The following SGCZ variants were observed in gnomAD, a reference collection of about 807,000 sequenced individuals.
The protein encoded by SGCZ is sarcoglycan zeta.
Under a neutral mutation model 41.3 loss-of-function variants are expected in SGCZ, and 40 were observed. The ratio of observed to expected loss-of-function variants is 0.97; its 90% CI spans 0.75 to 1.26. SGCZ has a LOEUF of 1.26. SGCZ is among the 50% of genes most tolerant of loss of function. SGCZ has a pLI of 0.00. For missense variants in SGCZ, 552 were observed against 369.8 expected (o/e 1.49, Z -4.04); for synonymous variants, 206 against 137.5 (o/e 1.50, Z -3.49).
intron 2 of SGCZ, among the ~76,000 whole-genome samples, chr8:14,375,078 A>T (rs1804063639): frequency 6.6e-6 from 1 of 151,994 alleles, no homozygotes; most frequent in Non-Finnish European, 1.5e-5. Context: ...GGGAATTGAG[A>T]GGCCAGAAAA....
At position 14,087,687 on chromosome 8, in the gene SGCZ, T is replaced by C. The variant is rs1801561513; in HGVS notation, c.*2756A>G. Among the ~76,000 whole-genome samples, 1 of 150,748 alleles carries C rather than the reference T, an allele frequency of 6.6e-6. No individual in the cohort carries two copies. The highest frequency in any genetic ancestry group is 2.0e-4 in the East Asian group (1 of 5,112). The stretch of plus-strand genomic sequence containing the variant: ...GGGAAAACATAATCTGTTAGGGTAC[T>C]GTGCAATTAAGGGACCACTATATTT... On this transcript the variant is annotated 3_prime_UTR_variant, in exon 8 of 8. Coordinates refer to ENST00000382080, the MANE Select transcript of SGCZ (RefSeq NM_139167.4).
chr8:14,285,589 A>T (rs200669777), intron 3 of SGCZ, among the ~76,000 whole-genome samples: 3 of 9,506 alleles, frequency 3.2e-4, no homozygotes, highest in African/African-American at 3.9e-4. Flanking sequence ...TGTGTTAAAA[A>T]TAAAACAAAT....
intron 1 of SGCZ, among the ~76,000 whole-genome samples, chr8:15,056,747 A>G (rs1241172863): frequency 6.6e-6 from 1 of 152,152 alleles, no homozygotes; most frequent in African/African-American, 2.4e-5. Flanking sequence ...CAATATTCAT[A>G]CAGCTCCACC....
intron 1 of SGCZ, among the ~76,000 whole-genome samples, chr8:15,166,978 T>C (rs994086712): frequency 3.3e-5 from 5 of 152,094 alleles, no homozygotes; most frequent in Non-Finnish European, 7.4e-5. Context: ...GAAGCGAATC[T>C]TTTTGACTTT....
chr8:14,237,223 T>A (rs1230437074), intron 4 of SGCZ, among the ~76,000 whole-genome samples: 3 of 152,056 alleles, frequency 2.0e-5, no homozygotes, highest in African/African-American at 7.2e-5. Flanking sequence ...TGTAATTCAA[T>A]CTCAAAATAA....
At chr8:14,448,712 G>C (rs1271222788) in intron 2 of SGCZ, among the ~76,000 whole-genome samples, 2 of 152,088 alleles carry the variant, frequency 1.3e-5, no homozygotes, top group Non-Finnish European at 2.9e-5. Flanking sequence ...GTTAGGTGCT[G>C]TTCCCAAGCC....
intron 3 of SGCZ, among the ~76,000 whole-genome samples, chr8:14,253,132 A>G (rs940327050): frequency 1.3e-5 from 2 of 152,122 alleles, no homozygotes; most frequent in African/African-American, 4.8e-5. Context: ...ATATGCTGTC[A>G]TTAAGAATAA....
chr8:14,511,305 C>G (rs1474566314), intron 2 of SGCZ, among the ~76,000 whole-genome samples: 3 of 151,918 alleles, frequency 2.0e-5, no homozygotes, highest in African/African-American at 7.3e-5. Flanking sequence ...TTTAAATCTT[C>G]TACTCTATGG....
At chr8:15,000,108 A>G (rs1386871063) in intron 1 of SGCZ, among the ~76,000 whole-genome samples, 1 of 152,142 alleles carries the variant, frequency 6.6e-6, no homozygotes, top group Non-Finnish European at 1.5e-5. Flanking sequence ...ACACCCAAAG[A>G]GGCACCAGGG....
chr8:14,731,597 A>G (rs1810241798), intron 1 of SGCZ, among the ~76,000 whole-genome samples: 1 of 152,172 alleles, frequency 6.6e-6, no homozygotes, highest in African/African-American at 2.4e-5. Flanking sequence ...TAGAAATGTA[A>G]TTTCAGTAAT....
chr8:14,164,642 C>T lies in SGCZ; in HGVS notation c.485G>A (p.Arg162Lys). The part of the protein sequence containing the change: ...RFEVRASEDG[R>K]VLFSADEDEI... ...ATCTTCATCTGCAGAAAACAGCACCCTGCCATCTTCACTGGCTCTCACTTC... is the reference window on the plus strand; with the variant it reads ...ATCTTCATCTGCAGAAAACAGCACCTTGCCATCTTCACTGGCTCTCACTTC... The change falls in exon 5 of 8, where the codon AGG becomes AAG. Residue 162 changes from arginine to lysine, a missense_variant. Physicochemically the swap from Arg to Lys is conservative, Grantham distance 26 (BLOSUM62 2). Transcript: ENST00000382080. The T allele has an allele frequency of 3.7e-6, 6 of 1,613,672 alleles. No homozygotes were observed. The highest frequency in any genetic ancestry group is 5.1e-6 in the Non-Finnish European group (6 of 1,179,728).
At chr8:14,277,051 T>G (rs1197936299) in intron 3 of SGCZ, among the ~76,000 whole-genome samples, 2 of 152,144 alleles carry the variant, frequency 1.3e-5, no homozygotes, top group African/African-American at 4.8e-5. Flanking sequence ...CTTCCTCACT[T>G]TGTTTGTGCT....
intron 1 of SGCZ, among the ~76,000 whole-genome samples, chr8:14,991,572 C>G (rs1390497637): frequency 6.6e-6 from 1 of 152,084 alleles, no homozygotes; most frequent in Non-Finnish European, 1.5e-5. Context: ...AGCACTTATG[C>G]CCAGTATGTC....
intron 1 of SGCZ, among the ~76,000 whole-genome samples, chr8:15,214,278 T>C (rs915544391): frequency 3.3e-5 from 5 of 152,268 alleles, no homozygotes; most frequent in South Asian, 2.1e-4. Context: ...AGTTTGATTT[T>C]TGGTTTGTTT....
intron 1 of SGCZ, among the ~76,000 whole-genome samples, chr8:14,713,582 G>A (rs1415676180): frequency 6.6e-6 from 1 of 151,614 alleles, no homozygotes; most frequent in Non-Finnish European, 1.5e-5. Context: ...TTGTTGTTGT[G>A]ATTACGAAGA....
intron 1 of SGCZ, among the ~76,000 whole-genome samples, chr8:14,991,558 T>A (rs1359327170): frequency 6.6e-6 from 1 of 152,128 alleles, no homozygotes; most frequent in Admixed American, 6.5e-5. Flanking sequence ...TTGAATATTA[T>A]CAAAGCACTT....
chr8:14,979,037 G>A (rs886100825), intron 1 of SGCZ, among the ~76,000 whole-genome samples: 1 of 152,152 alleles, frequency 6.6e-6, no homozygotes, highest in Non-Finnish European at 1.5e-5. Flanking sequence ...GAGCTCAAGT[G>A]ATTCACCTGC....
chr8:14,577,635 G>A (rs78401410), intron 1 of SGCZ, among the ~76,000 whole-genome samples: 3 of 151,954 alleles, frequency 2.0e-5, no homozygotes, highest in African/African-American at 4.8e-5. Context: ...TGATCTGCCC[G>A]CCTCAGCCTC....
chr8:14,767,331 T>C (rs1327624542), intron 1 of SGCZ, among the ~76,000 whole-genome samples: 1 of 152,222 alleles, frequency 6.6e-6, no homozygotes, highest in Non-Finnish European at 1.5e-5. Context: ...GGCTTAGTTG[T>C]AGACTAAAGT....
Sources: gnomAD v4.1 joint callset for allele counts (sites outside exome capture counted in the v4.1 genomes callset) on GRCh38, gnomAD v4.1.1 for gene constraint, MANE v1.5 for transcripts, NCBI Gene and HGNC (gene_info 2026-07-23, HGNC 2026-07-21) for gene names.